Variants in DDX54 observed in about 807,000 individuals in gnomAD.
DDX54 encodes ATP-dependent RNA helicase DDX54.
In DDX54, 67 loss-of-function variants were observed where a neutral mutation model predicts 105.5. The observed-to-expected ratio is 0.64, with a 90% confidence interval of 0.52 to 0.78. The LOEUF is 0.78. Among genes scored for constraint, DDX54 ranks in the 30% least tolerant of loss-of-function variants. The probability of loss-of-function intolerance (pLI) is 0.00; values close to 1 mark genes in which losing one functional copy is unlikely to be tolerated. For synonymous variants in DDX54, 514 were observed against 509.9 expected, an observed-to-expected ratio of 1.01 and a Z score of -0.11; for missense variants, 1,206 against 1,230.5, an observed-to-expected ratio of 0.98 and a Z score of 0.30.
intron 3 of DDX54, among the ~76,000 whole-genome samples, chr12:113,179,656 C>G (rs1952442958): frequency 6.6e-6 from 1 of 152,192 alleles, no homozygotes; most frequent in Non-Finnish European, 1.5e-5. Flanking sequence ...AGAATAATCA[C>G]AAGCCCTGGG....
At chr12:113,180,397 C>A (rs920732981) in intron 2 of DDX54, among the ~76,000 whole-genome samples, 2 of 152,102 alleles carry the variant, frequency 1.3e-5, no homozygotes, top group Non-Finnish European at 2.9e-5. Context: ...GGACTCTTGT[C>A]CCTCTTGGTG....
Position 113,162,941 on chromosome 12 carries a change from T to C in DDX54, c.2186A>G (p.Gln729Arg). The C allele has an allele frequency of 6.3e-7, 1 of 1,598,078 alleles. No individual in the cohort carries two copies. The highest frequency in any genetic ancestry group is 1.7e-4 in the Middle Eastern group (1 of 6,012). ...TCACTCGATCACTCACCACTTGAGC[T>C]GCTGCCGGCCCCTCGTCAGGTTCTG... Reference protein sequence around the residue: ...EAQNLTRGRQQLKWDRKKKRF... With the variant: ...EAQNLTRGRQRLKWDRKKKRF... The change falls in exon 17 of 20, where the codon CAG (glutamine) becomes CGG (arginine). Residue 729 changes from glutamine (Q) to arginine (R), a missense_variant. Physicochemically the swap from Gln to Arg is conservative, Grantham distance 43. This residue lies in a region of DDX54 where 961 missense variants were observed against 1,019.1 expected (regional missense o/e 0.94). Transcript: ENST00000306014.
Position 113,158,086 on chromosome 12 carries a change from T to C in DDX54, c.*791A>G. On this transcript the variant is annotated 3_prime_UTR_variant, in exon 20 of 20. Transcript: ENST00000306014. The surrounding 1 kb of genome is among the most constrained non-coding windows in gnomAD (Gnocchi z 4.9). ...CCAGGTGAGGGGCCCAGCCTGAGAA[T>C]CCAGCTGCTGGGGCTGCCCTTGACC... The C allele has an allele frequency of 5.3e-6, 1 of 189,596 alleles. No individual in the cohort carries two copies. Among genetic ancestry groups the C allele is most frequent in the Non-Finnish European group, 1.1e-5 (1 of 90,428 alleles). The allele number at this position is 189,596 out of a possible 1,614,324, so 11.7% of individuals were successfully genotyped here.
Position 113,180,025 on chromosome 12 carries a change from G to A in DDX54, c.305-20C>T. 6.2e-7 allele frequency: 1 copy of A among 1,613,948 alleles called. No homozygotes were observed. Among genetic ancestry groups the A allele is most frequent in the Admixed American group, 1.7e-5 (1 of 60,008 alleles). Reference sequence around the variant, plus strand: ...TCAGGCCTGGGAGAGACATGAAACGGTCAGGGGGCCGAGGGAGTCCCCACA... The same window carrying A: ...TCAGGCCTGGGAGAGACATGAAACGATCAGGGGGCCGAGGGAGTCCCCACA... On this transcript the variant is annotated intron_variant, in intron 2 of 19. Transcript: ENST00000306014.
At position 113,177,285 on chromosome 12, in the gene DDX54, C is replaced by T. The variant is rs899872249; in HGVS notation, c.615-192G>A. On this transcript the variant is annotated intron_variant, in intron 5 of 19. Transcript: ENST00000306014. ...GACAAGAGATACAAGCTGAAATATGCAAAAGAATGGTAACAACAGAGTTCC... is the reference window on the plus strand; with the variant it reads ...GACAAGAGATACAAGCTGAAATATGTAAAAGAATGGTAACAACAGAGTTCC... 10 of 608,268 alleles carry T rather than the reference C, an allele frequency of 1.6e-5. No homozygotes were observed. The African/African-American group carries it at 1.9e-4, about 11-fold the overall frequency. 37.7% of individuals were successfully genotyped at this position (608,268 alleles called of 1,614,324 possible). A position where few individuals can be genotyped will look rare whatever the true frequency, so the allele number is the denominator to read the frequency against.
At chr12:113,164,392 T>A in intron 14 of DDX54, 107 bp from the exon 15 acceptor site, 1 of 1,355,582 alleles carries the variant, frequency 7.4e-7, no homozygotes, top group Non-Finnish European at 9.8e-7. Context: ...TCTTCCCCAG[T>A]GTCCATTATC....
chr12:113,178,872 C>T (rs1952434340), intron 5 of DDX54, 105 bp downstream of exon 5: 2 of 1,424,738 alleles, frequency 1.4e-6, no homozygotes, highest in Non-Finnish European at 1.9e-6. Context: ...AGCACAGAAG[C>T]TGCTATTATT....
rs1391956736 is a variant in DDX54 at position 113,174,688 on chromosome 12, C to T, written c.1020G>A (p.Gln340=). Residue 340 remains glutamine, a synonymous_variant, in exon 10 of 20, where the codon CAG becomes CAA. Coordinates refer to ENST00000306014, the MANE Select transcript of DDX54 (RefSeq NM_024072.4). ...LLHNVVRPQD[Q]TVVFVATKHH... ...GCTTCGTGGCCACAAACACCACGGTCTGGTCCTGGGGCCGCACCACGTTGT... is the reference window on the plus strand; with the variant it reads ...GCTTCGTGGCCACAAACACCACGGTTTGGTCCTGGGGCCGCACCACGTTGT... The T allele has an allele frequency of 1.2e-6, 2 of 1,610,238 alleles. No homozygotes were observed. Among genetic ancestry groups the T allele is most frequent in the Non-Finnish European group, 1.7e-6 (2 of 1,176,830 alleles).
chr12:113,165,648 C>G lies in DDX54; in HGVS notation c.1715G>C (p.Arg572Pro). 2 of 1,608,544 alleles carry G rather than the reference C, an allele frequency of 1.2e-6. No individual in the cohort carries two copies. The highest frequency in any genetic ancestry group is 1.7e-6 in the Non-Finnish European group (2 of 1,176,376). The change falls in exon 14 of 20, where the codon CGG (arginine) becomes CCG (proline). Residue 572 changes from arginine (R) to proline (P), a missense_variant. By Grantham distance (103) the Arg-to-Pro change is moderately radical. Coordinates refer to ENST00000306014, the MANE Select transcript of DDX54 (RefSeq NM_024072.4). ...TCTCCACCCGGCCCCACTCACCGCC[C>G]GGGAGCGGTAGTTCTTTATGCTGTC... Reference protein sequence around the residue: ...LVDSIKNYRSRATIFEINASS... With the variant: ...LVDSIKNYRSPATIFEINASS...
At chr12:113,162,500 A>C (rs1300856889) in intron 17 of DDX54, among the ~76,000 whole-genome samples, 1 of 152,222 alleles carries the variant, frequency 6.6e-6, no homozygotes, top group African/African-American at 2.4e-5. Context: ...GGGGACAGCC[A>C]GGCCATAATC....
intron 7 of DDX54, among the ~76,000 whole-genome samples, chr12:113,175,903 T>C (rs1275072067): frequency 6.6e-6 from 1 of 151,968 alleles, no homozygotes; most frequent in East Asian, 1.9e-4. Flanking sequence ...CAGTGAGCCA[T>C]CATCACACCA....
chr12:113,182,559 T>G (rs1471997676), intron 1 of DDX54, among the ~76,000 whole-genome samples: 1 of 151,606 alleles, frequency 6.6e-6, no homozygotes, highest in Non-Finnish European at 1.5e-5. Flanking sequence ...TCCTTCAGTC[T>G]TCTTCTTTTT....
chr12:113,161,817 A>G, intron 18 of DDX54, 76 bp downstream of exon 18: 1 of 86,300 alleles, frequency 1.2e-5, no homozygotes, highest in South Asian at 1.0e-4. Flanking sequence ...CCCCGCCCCC[A>G]GGTTCCACTT....
chr12:113,172,303 C>T, intron 11 of DDX54, 50 bp downstream of exon 11: 1 of 1,583,620 alleles, frequency 6.3e-7, no homozygotes. Flanking sequence ...TCGGCTTCTG[C>T]CAGGATCCGG....
intron 18 of DDX54, 99 bp downstream of exon 18, chr12:113,161,794 T>TC: frequency 1.2e-5 from 1 of 82,322 alleles, no homozygotes; most frequent in South Asian, 6.7e-5. Context: ...CGCCCCCTCC[T>TC]CCCCGCCCCC....
chr12:113,158,772 G>C lies in DDX54; in HGVS notation c.*105C>G, dbSNP rs1952167001. 1 of 1,239,590 alleles carries C rather than the reference G, an allele frequency of 8.1e-7. No individual in the cohort carries two copies. The highest frequency in any genetic ancestry group is 1.1e-6 in the Non-Finnish European group (1 of 904,816). The allele number at this position is 1,239,590 out of a possible 1,614,324, so 76.8% of individuals were successfully genotyped here. A position where few individuals can be genotyped will look rare whatever the true frequency, so the allele number is the denominator to read the frequency against. ...ACAGATGATGGCTCCTGCAGGGAGT[G>C]CCCCCAGTGCCCAGCACAGGGCCAG... On this transcript the variant is annotated 3_prime_UTR_variant, in exon 20 of 20. Transcript: ENST00000306014. This position sits in a 1 kb window ranked among gnomAD's most constrained non-coding sequence, Gnocchi z 4.9.
chr12:113,181,111 G>A (rs1306743140), intron 1 of DDX54, 53 bp from the exon 2 acceptor site: 4 of 1,578,772 alleles, frequency 2.5e-6, no homozygotes, highest in Middle Eastern at 3.9e-4. Flanking sequence ...TGGGACCACA[G>A]GGGGCAGGGA....
intron 10 of DDX54, 66 bp from the exon 11 acceptor site, chr12:113,172,629 A>G: frequency 2.5e-6 from 4 of 1,573,324 alleles, no homozygotes; most frequent in Non-Finnish European, 3.5e-6. Flanking sequence ...AGGAAGCCAG[A>G]CCATGGCGGG....
In DDX54 at chr12:113,174,621, C is replaced by A; in HGVS notation, c.1068+19G>T. Reference sequence around the variant, plus strand: ...CTCCAGCTGAAGGAGGTGCTCCTCCCACTCAGGACCCTGCTCACCTCAGTG... The same window carrying A: ...CTCCAGCTGAAGGAGGTGCTCCTCCAACTCAGGACCCTGCTCACCTCAGTG... On this transcript the variant is annotated intron_variant, in intron 10 of 19. Transcript: ENST00000306014. 2 of 1,606,444 alleles carry A rather than the reference C, an allele frequency of 1.2e-6. No homozygotes were observed. The highest frequency in any genetic ancestry group is 1.7e-6 in the Non-Finnish European group (2 of 1,173,970).
Sources: allele counts gnomAD v4.1 joint callset (sites outside exome capture counted in the v4.1 genomes callset), GRCh38; gene constraint gnomAD v4.1.1; regional missense constraint gnomAD v4.1.1; non-coding constraint Gnocchi (gnomAD v3.1); transcripts MANE v1.5; gene names NCBI Gene and HGNC (gene_info 2026-07-23, HGNC 2026-07-21).